Variants in AGBL2 observed in about 807,000 individuals in gnomAD.
The protein encoded by AGBL2 is AGBL carboxypeptidase 2.
In AGBL2, 87 loss-of-function variants were observed where a neutral mutation model predicts 103.0. The observed-to-expected ratio is 0.84, with a 90% CI of 0.71 to 1.01. AGBL2 has a LOEUF of 1.01. Ranked by LOEUF, AGBL2 falls within the 50% of genes least tolerant of loss-of-function variation. The pLI, the probability that AGBL2 is intolerant of heterozygous loss-of-function variation, is 0.00. For missense variants in AGBL2, 904 were observed against 1,023.5 expected (o/e 0.88, Z 1.59); for synonymous variants, 335 against 356.7 (o/e 0.94, Z 0.69).
intron 17 of AGBL2, among the ~76,000 whole-genome samples, chr11:47,665,069 TTTTC>T (rs752901605): frequency 5.3e-5 from 8 of 151,296 alleles, no homozygotes; most frequent in Non-Finnish European, 1.2e-4. Flanking sequence ...TCTTTTTTTT[TTTTC>T]TAAGACAGAG....
chr11:47,676,907 T>G (rs1474143530), intron 14 of AGBL2, among the ~76,000 whole-genome samples: 1 of 151,252 alleles, frequency 6.6e-6, no homozygotes. Flanking sequence ...TCCGTTGGAG[T>G]GAAAGGCAAA....
chr11:47,705,954 G>A (rs2097517287), intron 4 of AGBL2, 37 bp from the exon 5 acceptor site: 2 of 1,581,716 alleles, frequency 1.3e-6, no homozygotes, highest in African/African-American at 2.7e-5. Context: ...TGGTGTCAGG[G>A]ATCGTTGTCT....
chr11:47,663,175 A>T, intron 17 of AGBL2, 63 bp from the exon 18 acceptor site: 1 of 985,132 alleles, frequency 1.0e-6, no homozygotes, highest in Non-Finnish European at 1.5e-6. Context: ...TACAGTGAAT[A>T]TACATTATTC....
intron 10 of AGBL2, among the ~76,000 whole-genome samples, chr11:47,687,153 A>ATAAG (rs755106483): frequency 6.6e-5 from 10 of 150,996 alleles, no homozygotes; most frequent in Non-Finnish European, 1.2e-4. Flanking sequence ...AAATAAATAA[A>ATAAG]TAATAAAAAA....
intron 7 of AGBL2, among the ~76,000 whole-genome samples, chr11:47,701,271 C>G (rs7935344): frequency 0.35 from 53,142 of 150,624 alleles, 10,512 homozygotes; most frequent in South Asian, 0.52. Context: ...GAGTTCGAGA[C>G]CAGCCTGACC....
chr11:47,676,391 C>T (rs752681416), intron 14 of AGBL2, among the ~76,000 whole-genome samples: 15 of 152,182 alleles, frequency 9.9e-5, no homozygotes, highest in Admixed American at 1.3e-4. Context: ...TTACCTTTTA[C>T]CTGTATTATT....
Position 47,660,101 on chromosome 11 carries a change from C to CT in AGBL2, c.*71dup. 1 of 1,487,232 alleles carries CT rather than the reference C, an allele frequency of 6.7e-7. No homozygotes were observed. The highest frequency in any genetic ancestry group is 9.1e-7 in the Non-Finnish European group (1 of 1,094,564). 92.1% of individuals were successfully genotyped at this position (1,487,232 alleles called of 1,614,324 possible). The stretch of plus-strand genomic sequence containing the variant: ...GTAAATGCAGTTCCCAGTCATACAT[C>CT]TCCCCCATTATAAAATGTGTCTAAT... On this transcript the variant is annotated 3_prime_UTR_variant, in exon 19 of 19. Coordinates refer to ENST00000525123, the MANE Select transcript of AGBL2 (RefSeq NM_024783.4).
At chr11:47,672,085 T>C (rs1000935246) in intron 14 of AGBL2, among the ~76,000 whole-genome samples, 1 of 152,212 alleles carries the variant, frequency 6.6e-6, no homozygotes, top group Admixed American at 6.6e-5. Context: ...TGTTTCTGAA[T>C]TGGTTCCCCT....
At chr11:47,667,435 CG>C (rs1006199190) in intron 16 of AGBL2, 135 bp downstream of exon 16, 2 of 1,169,604 alleles carry the variant, frequency 1.7e-6, no homozygotes, top group African/African-American at 3.1e-5. Flanking sequence ...GGGTTCTGAT[CG>C]CAAAACAGAA....
At chr11:47,704,929 G>T (rs557413198) in intron 6 of AGBL2, among the ~76,000 whole-genome samples, 1 of 152,276 alleles carries the variant, frequency 6.6e-6, no homozygotes, top group Admixed American at 6.5e-5. Flanking sequence ...ATTCTGCACA[G>T]TCTATTAAAT....
chr11:47,714,782 C>A, intron 1 of AGBL2, 32 bp from the exon 2 acceptor site: 1 of 904,790 alleles, frequency 1.1e-6, no homozygotes, highest in Non-Finnish European at 1.8e-6. Flanking sequence ...AGTGAAAAAA[C>A]TGCCAATACC....
intron 7 of AGBL2, among the ~76,000 whole-genome samples, chr11:47,700,513 A>G (rs574401412): frequency 1.4e-4 from 22 of 152,190 alleles, no homozygotes; most frequent in African/African-American, 4.3e-4. Context: ...TGGGAGGCGG[A>G]GGTTGCAGTG....
chr11:47,679,978 T>C lies in AGBL2; in HGVS notation c.2011A>G (p.Met671Val). The change falls in exon 13 of 19, where the codon ATG becomes GTG. Residue 671 changes from methionine (M) to valine (V), a missense_variant. Transcript: ENST00000525123. ...TLLDFCDPDQ[M>V]KFTQCLAELK... ...TCTTGAAACCCCATTTTTACCTTCA[T>C]TTGGTCAGGATCACAAAAGTCCAGA... is the stretch of plus-strand genomic sequence containing the variant. 2 of 1,599,004 alleles carry C rather than the reference T, an allele frequency of 1.3e-6. No individual in the cohort carries two copies. The highest frequency in any genetic ancestry group is 1.1e-5 in the South Asian group (1 of 90,470).
At chr11:47,664,558 T>G (rs1287103950) in intron 17 of AGBL2, among the ~76,000 whole-genome samples, 1 of 151,892 alleles carries the variant, frequency 6.6e-6, no homozygotes, top group African/African-American at 2.4e-5. Flanking sequence ...ACTACAGCGA[T>G]GCACCACCAC....
At chr11:47,660,578 G>T (rs2097325477) in intron 18 of AGBL2, among the ~76,000 whole-genome samples, 5 of 149,058 alleles carry the variant, frequency 3.4e-5, no homozygotes. Flanking sequence ...TTTTGAGATG[G>T]AGTCTTGCTC....
chr11:47,663,168 A>G, intron 17 of AGBL2, 56 bp from the exon 18 acceptor site: 1 of 1,050,582 alleles, frequency 9.5e-7, no homozygotes, highest in Non-Finnish European at 1.4e-6. Context: ...GTGTGATTAC[A>G]GTGAATATAC....
At chr11:47,701,914 A>C (rs1468796064) in intron 7 of AGBL2, among the ~76,000 whole-genome samples, 2 of 151,036 alleles carry the variant, frequency 1.3e-5, no homozygotes, top group African/African-American at 2.4e-5. Context: ...CGGAGGTTGC[A>C]GTGAGCCAAG....
intron 8 of AGBL2, 40 bp from the exon 9 acceptor site, chr11:47,692,296 A>T: frequency 1.3e-6 from 2 of 1,588,332 alleles, no homozygotes. Context: ...TTCTACTCAG[A>T]ATCCACTCAT....
intron 18 of AGBL2, among the ~76,000 whole-genome samples, chr11:47,661,335 G>C (rs902586498): frequency 6.6e-6 from 1 of 152,142 alleles, no homozygotes; most frequent in Non-Finnish European, 1.5e-5. Flanking sequence ...TGAATGCTAA[G>C]TGAAGAAAGA....
Sources: gnomAD v4.1 joint callset for allele counts (sites outside exome capture counted in the v4.1 genomes callset) on GRCh38, gnomAD v4.1.1 for gene constraint, MANE v1.5 for transcripts, NCBI Gene and HGNC (gene_info 2026-07-23, HGNC 2026-07-21) for gene names.